WDR41: variants seen among roughly 807,000 people sequenced by gnomAD.
WDR41 encodes the protein WD repeat domain 41.
WDR41 carries 63 observed loss-of-function variants against 69.3 expected under a neutral mutation model. The observed-to-expected ratio is 0.91, with a 90% CI of 0.74 to 1.12. The LOEUF (loss-of-function observed/expected upper bound fraction) is 1.12, where lower values mean the gene tolerates loss of function less well. Ranked by LOEUF, WDR41 falls within the 50% of genes most tolerant of loss-of-function variation. The pLI is 0.00. For synonymous variants in WDR41, 185 were observed against 192.1 expected (o/e 0.96, Z 0.31); for missense variants, 543 against 534.5 (o/e 1.02, Z -0.16).
chr5:77,513,277 G>A (rs754870093), intron 1 of WDR41, among the ~76,000 whole-genome samples: 27 of 152,144 alleles, frequency 1.8e-4, no homozygotes, highest in Non-Finnish European at 3.5e-4. Context: ...CACTCTGTAG[G>A]TCTGTGCACC....
chr5:77,518,741 C>A (rs942590832), intron 1 of WDR41, among the ~76,000 whole-genome samples: 7 of 152,000 alleles, frequency 4.6e-5, no homozygotes, highest in African/African-American at 1.7e-4. Flanking sequence ...AAACCACTTT[C>A]CAAATTAAAT....
At chr5:77,440,717 CCTT>C in intron 9 of WDR41, 93 bp downstream of exon 9, 1 of 1,196,868 alleles carries the variant, frequency 8.4e-7, no homozygotes, top group Non-Finnish European at 1.2e-6. Flanking sequence ...ATGAATGATA[CCTT>C]TTTTATGTCC....
intron 2 of WDR41, among the ~76,000 whole-genome samples, chr5:77,480,566 T>C (rs928884939): frequency 1.3e-4 from 19 of 151,478 alleles, no homozygotes; most frequent in African/African-American, 3.9e-4. Flanking sequence ...CAGTAAACTA[T>C]TGCAAGAACA....
At chr5:77,528,268 G>A (rs553547484) in intron 1 of WDR41, among the ~76,000 whole-genome samples, 1 of 151,630 alleles carries the variant, frequency 6.6e-6, no homozygotes, top group East Asian at 1.9e-4. Context: ...ATTAAGAGGT[G>A]GCTACTAACA....
intron 1 of WDR41, among the ~76,000 whole-genome samples, chr5:77,549,562 TA>T (rs767191316): frequency 6.6e-6 from 1 of 152,022 alleles, no homozygotes; most frequent in East Asian, 1.9e-4. Flanking sequence ...CACATCTAGT[TA>T]AGGAGGTGAA....
intron 1 of WDR41, among the ~76,000 whole-genome samples, chr5:77,498,256 A>G (rs1801963549): frequency 6.6e-6 from 1 of 152,220 alleles, no homozygotes; most frequent in African/African-American, 2.4e-5. Flanking sequence ...AGTATATTTT[A>G]CCACAATAAA....
intron 2 of WDR41, among the ~76,000 whole-genome samples, chr5:77,487,656 A>G (rs1005112315): frequency 2.0e-5 from 3 of 152,224 alleles, no homozygotes; most frequent in African/African-American, 7.2e-5. Context: ...TTCATTATTC[A>G]TGGTGGGTCC....
intron 1 of WDR41, among the ~76,000 whole-genome samples, chr5:77,506,523 A>C (rs185565023): frequency 3.5e-4 from 53 of 152,316 alleles, no homozygotes; most frequent in African/African-American, 1.1e-3. Context: ...TTGACCCAGC[A>C]ATCCCATTAC....
intron 1 of WDR41, among the ~76,000 whole-genome samples, chr5:77,538,080 C>A (rs1399619658): frequency 2.6e-5 from 4 of 152,046 alleles, no homozygotes; most frequent in Admixed American, 1.3e-4. Flanking sequence ...TCTCATCATT[C>A]ACCCCCTCCC....
At chr5:77,482,695 G>A (rs1181939067) in intron 2 of WDR41, among the ~76,000 whole-genome samples, 1 of 152,060 alleles carries the variant, frequency 6.6e-6, no homozygotes, top group African/African-American at 2.4e-5. Flanking sequence ...GTGTGTGTAT[G>A]TGTATATGTT....
At chr5:77,517,173 T>C (rs943094511) in intron 1 of WDR41, among the ~76,000 whole-genome samples, 6 of 152,186 alleles carry the variant, frequency 3.9e-5, no homozygotes, top group African/African-American at 1.2e-4. Flanking sequence ...ACCTCTATTC[T>C]GAGCAGTGAA....
chr5:77,498,946 C>A (rs1463753749), intron 1 of WDR41, among the ~76,000 whole-genome samples: 2 of 152,106 alleles, frequency 1.3e-5, no homozygotes, highest in Non-Finnish European at 2.9e-5. Context: ...ATTAACACTT[C>A]TGTTCTTTAA....
chr5:77,583,129 T>C (rs1051027143), intron 1 of WDR41: 9 of 1,386,106 alleles, frequency 6.5e-6, no homozygotes, highest in Non-Finnish European at 8.1e-6. Flanking sequence ...CTAAGGTGTC[T>C]ACCATGATTA....
intron 2 of WDR41, among the ~76,000 whole-genome samples, 168 bp downstream of exon 2, chr5:77,489,289 C>T (rs152952): frequency 0.61 from 93,038 of 151,970 alleles, 30,294 homozygotes; most frequent in African/African-American, 0.84. Context: ...ACTCTAGATA[C>T]ATATTTCATC....
intron 2 of WDR41, among the ~76,000 whole-genome samples, chr5:77,476,580 A>T (rs1178415766): frequency 1.3e-5 from 2 of 151,288 alleles, no homozygotes; most frequent in Non-Finnish European, 3.0e-5. Context: ...ACTAAGCTTC[A>T]TAAGTGAAGG....
chr5:77,594,588 A>G (rs1207611278), intron 1 of WDR41, among the ~76,000 whole-genome samples: 1 of 152,168 alleles, frequency 6.6e-6, no homozygotes, highest in Non-Finnish European at 1.5e-5. Flanking sequence ...TACTGTTTCT[A>G]TGACACCAGT....
intron 1 of WDR41, among the ~76,000 whole-genome samples, chr5:77,600,985 T>C (rs1049213807): frequency 3.3e-5 from 5 of 150,042 alleles, no homozygotes; most frequent in African/African-American, 1.2e-4. Flanking sequence ...ACAGTGTGTA[T>C]CTAGTCATCA....
chr5:77,502,199 A>G (rs1235259509), intron 1 of WDR41, among the ~76,000 whole-genome samples: 1 of 152,244 alleles, frequency 6.6e-6, no homozygotes, highest in Non-Finnish European at 1.5e-5. Flanking sequence ...GCTGAAAACC[A>G]TAGCATGAAA....
intron 1 of WDR41, chr5:77,582,804 G>A: frequency 2.5e-6 from 4 of 1,600,948 alleles, no homozygotes; most frequent in Non-Finnish European, 3.4e-6. Flanking sequence ...TAGCATGGGG[G>A]TACCCCAATC....
Sources: gnomAD v4.1 joint callset for allele counts (sites outside exome capture counted in the v4.1 genomes callset) on GRCh38, gnomAD v4.1.1 for gene constraint, MANE v1.5 for transcripts, NCBI Gene and HGNC (gene_info 2026-07-23, HGNC 2026-07-21) for gene names.